The following BTNL8 variants were observed in gnomAD, a reference collection of about 807,000 sequenced individuals.
BTNL8 encodes butyrophilin-like protein 8.
Under a neutral mutation model 36.1 loss-of-function variants are expected in BTNL8, and 22 were observed. That is an observed-to-expected ratio of 0.61 (90% confidence interval 0.44 to 0.87). BTNL8 has a LOEUF of 0.87. BTNL8 is among the 40% of genes least tolerant of loss of function. The pLI is 0.00. For synonymous variants in BTNL8, 203 were observed against 235.6 expected, an observed-to-expected ratio of 0.86 and a Z score of 1.27; for missense variants, 526 against 616.9, an observed-to-expected ratio of 0.85 and a Z score of 1.56.
chr5:180,910,754 T>C (rs1757349783), intron 2 of BTNL8, among the ~76,000 whole-genome samples: 1 of 152,180 alleles, frequency 6.6e-6, no homozygotes, highest in African/African-American at 2.4e-5. Flanking sequence ...CTACTCTGTC[T>C]TAGTATCCAG....
At chr5:180,929,426 A>T (rs940777165) in intron 3 of BTNL8, among the ~76,000 whole-genome samples, 1 of 152,224 alleles carries the variant, frequency 6.6e-6, no homozygotes, top group African/African-American at 2.4e-5. Flanking sequence ...GAGCAAACAC[A>T]TTCAAAAGCT....
chr5:180,945,828 T>C, intron 3 of BTNL8: 1 of 502,272 alleles, frequency 2.0e-6, no homozygotes, highest in Non-Finnish European at 4.0e-6. Context: ...TCGAGTCTGA[T>C]CCGGAAATAT....
chr5:180,908,650 C>T lies in BTNL8; in HGVS notation c.114C>T (p.Phe38=), dbSNP rs1293183576. The part of the protein sequence containing the change: ...VQALVGEDAA[F]SCFLSPKTNA... Reference sequence around the variant, plus strand: ...CCTTGGTGGGGGAGGACGCAGCATTCTCCTGTTTCCTGTCTCCTAAGACCA... The same window carrying T: ...CCTTGGTGGGGGAGGACGCAGCATTTTCCTGTTTCCTGTCTCCTAAGACCA... Residue 38 remains phenylalanine, a synonymous_variant, in exon 2 of 8, where the codon TTC becomes TTT. Transcript: ENST00000340184. 3 of 1,614,216 alleles carry T rather than the reference C, an allele frequency of 1.9e-6. No individual in the cohort carries two copies. Among genetic ancestry groups the T allele is most frequent in the Non-Finnish European group, 2.5e-6 (3 of 1,180,034 alleles).
intron 3 of BTNL8, among the ~76,000 whole-genome samples, chr5:180,928,460 A>G (rs982374715): frequency 7.2e-5 from 11 of 152,330 alleles, no homozygotes; most frequent in African/African-American, 2.6e-4. Context: ...ATTCACACAT[A>G]ACAATATTAA....
At chr5:180,933,253 A>G (rs1758490090) in intron 3 of BTNL8, among the ~76,000 whole-genome samples, 1 of 152,192 alleles carries the variant, frequency 6.6e-6, no homozygotes, top group Admixed American at 6.5e-5. Context: ...CAGATAATCT[A>G]GACACACAAT....
At chr5:180,948,278 C>A in intron 4 of BTNL8, 77 bp from the exon 5 acceptor site, 3 of 1,463,850 alleles carry the variant, frequency 2.0e-6, no homozygotes, top group South Asian at 2.2e-5. Flanking sequence ...CTCGTCCCAC[C>A]TGTGCAAGGA....
chr5:180,935,519 CT>C lies in BTNL8; in HGVS notation c.674-11990del, dbSNP rs1673404840. On this transcript the variant is annotated intron_variant, in intron 3 of 7. Coordinates refer to ENST00000340184, the MANE Select transcript of BTNL8 (RefSeq NM_001040462.3). The surrounding 1 kb of genome is among the most constrained non-coding windows in gnomAD (Gnocchi z 4.8). ...GTGCCCGGACTCGGCTACAACTTTG[CT>C]TTGCACTGGAGTGGACACCAGGAGC... Among the ~76,000 whole-genome samples the C allele has an allele frequency of 6.6e-6, 1 of 152,270 alleles. No individual in the cohort carries two copies. Among genetic ancestry groups the C allele is most frequent in the African/African-American group, 2.4e-5 (1 of 41,476 alleles).
chr5:180,921,178 G>A lies in BTNL8; in HGVS notation c.673+9564G>A, dbSNP rs112153481. 4.3e-3 allele frequency among the ~76,000 whole-genome samples: 651 copies of A among 152,082 alleles called. 5 individuals are homozygous for A. Among genetic ancestry groups the A allele is most frequent in the African/African-American group, 0.014 (601 of 41,534 alleles). On this transcript the variant is annotated intron_variant, in intron 3 of 7. Coordinates refer to ENST00000340184, the MANE Select transcript of BTNL8 (RefSeq NM_001040462.3). ...TTTATAATCCAGCAATCCTGCTTCC[G>A]TGCATTTATCCAAAAGAATTGAAGT... is the stretch of plus-strand genomic sequence containing the variant.
In BTNL8 at chr5:180,904,811, T is replaced by G. The variant is rs865867173; in HGVS notation, c.50-3775T>G. Among the ~76,000 whole-genome samples the G allele has an allele frequency of 4.0e-3, 601 of 152,120 alleles. 2 individuals are homozygous for G. The highest frequency in any genetic ancestry group is 0.014 in the African/African-American group (566 of 41,444). On this transcript the variant is annotated intron_variant, in intron 1 of 7. Transcript: ENST00000340184. ...TGTGGTTTTTGTCTTTGGCTCCGTTTATATGCTGGATTACATTTATTGATT... is the reference window on the plus strand; with the variant it reads ...TGTGGTTTTTGTCTTTGGCTCCGTTGATATGCTGGATTACATTTATTGATT...
intron 3 of BTNL8, among the ~76,000 whole-genome samples, chr5:180,926,207 T>C (rs756829614): frequency 4.7e-4 from 71 of 152,318 alleles, no homozygotes; most frequent in Non-Finnish European, 9.3e-4. Flanking sequence ...TCACCTCACC[T>C]GGGAAGTGCA....
At chr5:180,932,618 G>C (rs1373725397) in intron 3 of BTNL8, among the ~76,000 whole-genome samples, 1 of 152,090 alleles carries the variant, frequency 6.6e-6, no homozygotes, top group Non-Finnish European at 1.5e-5. Flanking sequence ...CAAAGTGCTG[G>C]GATTACAGGC....
intron 3 of BTNL8, among the ~76,000 whole-genome samples, chr5:180,913,148 A>G (rs748459267): frequency 5.9e-5 from 9 of 152,158 alleles, no homozygotes; most frequent in Admixed American, 4.6e-4. Context: ...GAAAGTTGAA[A>G]TGGGGATGTA....
At chr5:180,930,121 T>C (rs1758299909) in intron 3 of BTNL8, among the ~76,000 whole-genome samples, 1 of 152,172 alleles carries the variant, frequency 6.6e-6, no homozygotes, top group Non-Finnish European at 1.5e-5. Flanking sequence ...TCCACCACGA[T>C]CAAGTTGGCT....
intron 1 of BTNL8, among the ~76,000 whole-genome samples, chr5:180,902,017 T>C (rs891294098): frequency 8.5e-5 from 13 of 152,186 alleles, no homozygotes; most frequent in Non-Finnish European, 1.3e-4. Flanking sequence ...TGGGCAGAAA[T>C]GTAACATTCC....
intron 3 of BTNL8, among the ~76,000 whole-genome samples, chr5:180,946,658 G>C (rs150374782): frequency 1.1e-3 from 174 of 152,308 alleles, no homozygotes; most frequent in African/African-American, 3.9e-3. Context: ...CAAAGATTGA[G>C]ATAGACAAGA....
At position 180,949,351 on chromosome 5, in the gene BTNL8, C is replaced by A; in HGVS notation, c.862+86C>A. 1.4e-6 allele frequency: 2 copies of A among 1,445,112 alleles called. 1 individual carries two copies. The highest frequency in any genetic ancestry group is 3.9e-5 in the Admixed American group (2 of 51,450). The allele number at this position is 1,445,112 out of a possible 1,614,324, so 89.5% of individuals were successfully genotyped here. A position where few individuals can be genotyped will look rare whatever the true frequency, so the allele number is the denominator to read the frequency against. On this transcript the variant is annotated intron_variant, in intron 7 of 7. Coordinates refer to ENST00000340184, the MANE Select transcript of BTNL8 (RefSeq NM_001040462.3). ...CTGAACAGGGACAGATACGGGAACA[C>A]AGAGTGATGCTGAGACCCATCCTGC...
chr5:180,902,331 T>C (rs1449822814), intron 1 of BTNL8: 2 of 1,546,128 alleles, frequency 1.3e-6, no homozygotes, highest in Non-Finnish European at 1.8e-6. Context: ...ACATTAATAA[T>C]ACACATTTCT....
chr5:180,927,853 T>A (rs1038116511), intron 3 of BTNL8, among the ~76,000 whole-genome samples: 1 of 151,890 alleles, frequency 6.6e-6, no homozygotes, highest in Non-Finnish European at 1.5e-5. Flanking sequence ...CAAACCTACG[T>A]TTGATTGCTA....
chr5:180,941,098 GAGGA>G (rs1313596282), intron 3 of BTNL8, among the ~76,000 whole-genome samples: 1 of 85,796 alleles, frequency 1.2e-5, no homozygotes, highest in Non-Finnish European at 2.6e-5. Context: ...GGGAGGGAGG[GAGGA>G]AGGAAGGGAG....
Sources: allele counts gnomAD v4.1 joint callset (sites outside exome capture counted in the v4.1 genomes callset), GRCh38; gene constraint gnomAD v4.1.1; non-coding constraint Gnocchi (gnomAD v3.1); transcripts MANE v1.5; gene names NCBI Gene and HGNC (gene_info 2026-07-23, HGNC 2026-07-21).